Variants in TCTN2 observed in about 807,000 individuals in gnomAD.
TCTN2 encodes the protein tectonic-2.
Under a neutral mutation model 83.4 loss-of-function variants are expected in TCTN2, and 66 were observed. That is an observed-to-expected ratio of 0.79 (90% confidence interval 0.65 to 0.97). The LOEUF (loss-of-function observed/expected upper bound fraction) is 0.97, where lower values mean the gene tolerates loss of function less well. Among genes scored for constraint, TCTN2 ranks in the 50% least tolerant of loss-of-function variants. The pLI, the probability that TCTN2 is intolerant of heterozygous loss-of-function variation, is 0.00. For synonymous variants in TCTN2, 301 were observed against 326.7 expected, an observed-to-expected ratio of 0.92 and a Z score of 0.85; for missense variants, 794 against 858.1, an observed-to-expected ratio of 0.93 and a Z score of 0.93.
At position 123,704,674 on chromosome 12, in the gene TCTN2, C is replaced by T. The variant is rs1169816804; in HGVS notation, c.1755C>T (p.Leu585=). ...AAGGGATTACTCAGCAGGAGATACT[C>T]GGTGTAGAGACAAGGTATGATCACA... ...AVEGITQQEI[L]GVETRFSSVN... The change falls in exon 15 of 18, where the codon CTC becomes CTT. Residue 585 remains leucine (L), a synonymous_variant. Transcript: ENST00000303372. The T allele has an allele frequency of 3.1e-6, 5 of 1,612,906 alleles. No homozygotes were observed. Among genetic ancestry groups the T allele is most frequent in the Middle Eastern group, 1.6e-4 (1 of 6,078 alleles).
At chr12:123,693,271 T>C (rs1956067125) in intron 9 of TCTN2, among the ~76,000 whole-genome samples, 1 of 150,532 alleles carries the variant, frequency 6.6e-6, no homozygotes, top group African/African-American at 2.4e-5. Flanking sequence ...GGTGATCCAC[T>C]TGCCTTGGCC....
rs189953389 is a variant in TCTN2 at position 123,672,213 on chromosome 12, A to G, written c.267+81A>G. The G allele has an allele frequency of 1.4e-3, 1,696 of 1,208,666 alleles. 37 individuals are homozygous for G. In the Admixed American group the frequency reaches 0.026, roughly 19 times the overall value. 74.9% of individuals were successfully genotyped at this position (1,208,666 alleles called of 1,614,324 possible). ...TTCTGCAGTGCTCTCTTTATTTAAC[A>G]AGGCATGGCTTTCTCCATGCTCTCA... On this transcript the variant is annotated intron_variant, in intron 3 of 17. Coordinates refer to ENST00000303372, the MANE Select transcript of TCTN2 (RefSeq NM_024809.5).
intron 9 of TCTN2, among the ~76,000 whole-genome samples, chr12:123,693,866 G>A (rs1364611470): frequency 3.3e-5 from 5 of 151,316 alleles, no homozygotes; most frequent in Non-Finnish European, 5.9e-5. Flanking sequence ...CGCCCAGGCT[G>A]GAGTGCAATA....
chr12:123,671,540 C>T lies in TCTN2; in HGVS notation c.116C>T (p.Pro39Leu). 1 of 1,614,170 alleles carries T rather than the reference C, an allele frequency of 6.2e-7. No individual in the cohort carries two copies. The highest frequency in any genetic ancestry group is 8.5e-7 in the Non-Finnish European group (1 of 1,180,030). ...FIPPFIRMSG[P>L]AVSASLVGDT... ...CCTCCTTTTATCCGAATGTCCGGCC[C>T]TGCGGTCAGCGCGTCCCTGGTCGGA... The change falls in exon 2 of 18, where the codon CCT becomes CTT. Residue 39 changes from proline (P) to leucine (L), a missense_variant. Coordinates refer to ENST00000303372, the MANE Select transcript of TCTN2 (RefSeq NM_024809.5).
chr12:123,691,033 T>G (rs552855960), intron 8 of TCTN2, among the ~76,000 whole-genome samples: 39 of 152,158 alleles, frequency 2.6e-4, no homozygotes, highest in African/African-American at 6.7e-4. Flanking sequence ...CATGACTGGC[T>G]AATTTTTGTG....
intron 5 of TCTN2, 63 bp downstream of exon 5, chr12:123,679,352 C>T: frequency 7.1e-7 from 1 of 1,412,760 alleles, no homozygotes; most frequent in Non-Finnish European, 1.0e-6. Flanking sequence ...GCAGTTCCAC[C>T]AACAGCTTTT....
rs756360912 is a variant in TCTN2, at chr12:123,688,055, C to G, written c.769C>G (p.Pro257Ala). ...GCCTTTCTTATTGATTTTCAGTTCC[C>G]CCAAACAGGACTCTTCCTTTGAAGT... ...LGYFYHGAVS[P>A]KQDSSFEVYV... is the part of the protein sequence containing the mutation. The change falls in exon 7 of 18, where the codon CCC becomes GCC. Residue 257 changes from proline to alanine, a missense_variant. Coordinates refer to ENST00000303372, the MANE Select transcript of TCTN2 (RefSeq NM_024809.5). 1 of 1,613,970 alleles carries G rather than the reference C, an allele frequency of 6.2e-7. No individual in the cohort carries two copies. Among genetic ancestry groups the G allele is most frequent in the Admixed American group, 1.7e-5 (1 of 60,006 alleles).
At chr12:123,695,323 G>T in intron 11 of TCTN2, 26 bp downstream of exon 11, 1 of 1,471,730 alleles carries the variant, frequency 6.8e-7, no homozygotes, top group South Asian at 1.1e-5. Context: ...GCCAGTCATT[G>T]ATCTTACAAA....
chr12:123,699,695 C>G lies in TCTN2; in HGVS notation c.1506-9C>G, dbSNP rs1022477594. The G allele has an allele frequency of 1.2e-6, 2 of 1,609,780 alleles. No individual in the cohort carries two copies. The highest frequency in any genetic ancestry group is 1.3e-5 in the African/African-American group (1 of 74,950). On this transcript the variant is annotated splice_polypyrimidine_tract_variant and intron_variant, in intron 13 of 17. Transcript: ENST00000303372. ...GCCATGAGCTGAGAAATGTCTTACT[C>G]TCTTGCAGGGAGAATGCTGTTGAAA...
At chr12:123,684,632 G>A (rs916773443) in intron 5 of TCTN2, among the ~76,000 whole-genome samples, 2 of 151,878 alleles carry the variant, frequency 1.3e-5, no homozygotes, top group Non-Finnish European at 2.9e-5. Context: ...ACTCCTGACT[G>A]CAAGTGATCT....
At chr12:123,700,719 C>T (rs1956163425) in intron 14 of TCTN2, among the ~76,000 whole-genome samples, 2 of 152,214 alleles carry the variant, frequency 1.3e-5, no homozygotes, top group African/African-American at 4.8e-5. Flanking sequence ...GCGTTAGCCA[C>T]CGTGCCAGGC....
chr12:123,679,736 G>GTTTTTTT (rs768949387), intron 5 of TCTN2, among the ~76,000 whole-genome samples: 2 of 105,758 alleles, frequency 1.9e-5, no homozygotes, highest in African/African-American at 3.5e-5. Context: ...TTCAAATTGA[G>GTTTTTTT]TTTTTTTTTT....
chr12:123,707,793 C>T lies in TCTN2; in HGVS notation c.*80C>T, dbSNP rs936477989. The T allele has an allele frequency of 2.9e-5, 32 of 1,092,292 alleles. No individual in the cohort carries two copies. The highest frequency in any genetic ancestry group is 5.7e-4 in the Middle Eastern group (2 of 3,538). 67.7% of individuals were successfully genotyped at this position (1,092,292 alleles called of 1,614,324 possible). On this transcript the variant is annotated 3_prime_UTR_variant, in exon 18 of 18. Transcript: ENST00000303372. ...CTGAAGTGATCTCGGCTCACCACAA[C>T]CTCCTCCTCTTGGGTTCAAGCGATT... is the stretch of plus-strand genomic sequence containing the variant.
intron 4 of TCTN2, among the ~76,000 whole-genome samples, chr12:123,675,014 G>T (rs1955803892): frequency 6.6e-6 from 1 of 152,036 alleles, no homozygotes; most frequent in African/African-American, 2.4e-5. Context: ...AGTAGCTGGG[G>T]CTACTGGCGT....
intron 15 of TCTN2, among the ~76,000 whole-genome samples, chr12:123,705,733 T>C (rs1956220794): frequency 6.6e-6 from 1 of 150,874 alleles, no homozygotes; most frequent in East Asian, 1.9e-4. Context: ...AGAAAGCCCC[T>C]TTCCTCCTCT....
intron 4 of TCTN2, among the ~76,000 whole-genome samples, chr12:123,677,633 C>T (rs1020039377): frequency 5.3e-5 from 8 of 152,110 alleles, no homozygotes; most frequent in African/African-American, 1.7e-4. Context: ...CGGGCCCTGC[C>T]AATGTTTACC....
chr12:123,672,732 G>C (rs1955771328), intron 3 of TCTN2, among the ~76,000 whole-genome samples: 1 of 151,482 alleles, frequency 6.6e-6, no homozygotes, highest in African/African-American at 2.4e-5. Context: ...CTGGGCAACA[G>C]AGCAAGACCC....
Position 123,707,634 on chromosome 12 carries a change from G to T in TCTN2, c.2015G>T (p.Gly672Val), listed in dbSNP as rs779203885. 2 of 1,614,192 alleles carry T rather than the reference G, an allele frequency of 1.2e-6. No individual in the cohort carries two copies. The highest frequency in any genetic ancestry group is 8.5e-7 in the Non-Finnish European group (1 of 1,180,040). ...CTGCATTCTCAGTGTGTTGCTAAGG[G>T]CTTACTGTTGCTGTTGTTCCTCACA... ...GELHSQCVAK[G>V]LLLLLFLTLA... Residue 672 changes from glycine to valine, a missense_variant, in exon 18 of 18, where the codon GGC (glycine) becomes GTC (valine). Physicochemically the swap from Gly to Val is moderately radical, Grantham distance 109. Coordinates refer to ENST00000303372, the MANE Select transcript of TCTN2 (RefSeq NM_024809.5).
chr12:123,699,081 T>C (rs923761396), intron 13 of TCTN2, among the ~76,000 whole-genome samples: 2 of 152,202 alleles, frequency 1.3e-5, no homozygotes, highest in Non-Finnish European at 2.9e-5. Context: ...TGATGTGTGC[T>C]CTAACTACCT....
Sources: allele counts gnomAD v4.1 joint callset (sites outside exome capture counted in the v4.1 genomes callset), GRCh38; gene constraint gnomAD v4.1.1; transcripts MANE v1.5; gene names NCBI Gene and HGNC (gene_info 2026-07-23, HGNC 2026-07-21).